Variants in ARHGEF7 observed in about 807,000 individuals in gnomAD.
The protein encoded by ARHGEF7 is Rho guanine nucleotide exchange factor 7, also known as PAK-interacting exchange factor beta.
In ARHGEF7, 33 loss-of-function variants were observed where a neutral mutation model predicts 109.8. The observed-to-expected ratio is 0.30, with a 90% CI of 0.23 to 0.40. ARHGEF7 has a LOEUF of 0.40. Among genes scored for constraint, ARHGEF7 ranks in the 10% least tolerant of loss-of-function variants. The probability of loss-of-function intolerance (pLI) is 1.00; values close to 1 mark genes in which losing one functional copy is unlikely to be tolerated. For missense variants in ARHGEF7, 938 were observed against 1,098.5 expected (o/e 0.85, Z 2.07); for synonymous variants, 458 against 424.6 (o/e 1.08, Z -0.97).
At chr13:111,124,445 C>A (rs1198529201) in intron 1 of ARHGEF7, among the ~76,000 whole-genome samples, 6 of 152,260 alleles carry the variant, frequency 3.9e-5, no homozygotes, top group Admixed American at 3.9e-4. Flanking sequence ...CCTATCAGAG[C>A]AGTGTCCATC....
rs776753220 is a variant in ARHGEF7 at position 111,210,005 on chromosome 13, A to G, written c.468+3A>G. On this transcript the variant is annotated splice_donor_region_variant and intron_variant, in intron 4 of 21. Coordinates refer to ENST00000646102, the MANE Select transcript of ARHGEF7 (RefSeq NM_001354046.2). ...TCCAGGGCCAGTATCGGAGTTTGGT[A>G]AGTTTGAGAGATTTTGTTACTTAAA... 2.5e-6 allele frequency: 4 copies of G among 1,614,152 alleles called. No homozygotes were observed. In the Admixed American group the frequency reaches 5.0e-5, roughly 20 times the overall value.
intron 5 of ARHGEF7, among the ~76,000 whole-genome samples, chr13:111,222,259 G>T (rs2084543154): frequency 6.6e-6 from 1 of 151,860 alleles, no homozygotes; most frequent in Non-Finnish European, 1.5e-5. Context: ...TTTTTTTCCT[G>T]TTTATTTTTT....
intron 1 of ARHGEF7, among the ~76,000 whole-genome samples, chr13:111,123,492 C>A (rs1187008299): frequency 6.7e-6 from 1 of 150,034 alleles, no homozygotes; most frequent in Non-Finnish European, 1.5e-5. Flanking sequence ...CACACACACA[C>A]ACATACATGC....
chr13:111,249,596 G>A (rs1216234767), intron 8 of ARHGEF7, among the ~76,000 whole-genome samples: 1 of 152,116 alleles, frequency 6.6e-6, no homozygotes, highest in Non-Finnish European at 1.5e-5. Flanking sequence ...TCTCTTTCAC[G>A]GGAAGGGTGA....
intron 1 of ARHGEF7, among the ~76,000 whole-genome samples, chr13:111,126,401 A>G (rs1317508765): frequency 6.6e-6 from 1 of 152,010 alleles, no homozygotes; most frequent in African/African-American, 2.4e-5. Context: ...GAGACGGGAG[A>G]ATCACCTGAA....
intron 2 of ARHGEF7, among the ~76,000 whole-genome samples, chr13:111,195,088 T>C (rs140993159): frequency 0.022 from 3,375 of 152,294 alleles, 114 homozygotes; most frequent in African/African-American, 0.074. Context: ...AGCTTTCAAA[T>C]GTTTAACAAT....
chr13:111,302,013 TTTC>T lies in ARHGEF7; in HGVS notation c.2466+484_2466+486del, dbSNP rs561239190. 1.2e-4 allele frequency among the ~76,000 whole-genome samples: 18 copies of T among 152,380 alleles called. No homozygotes were observed. In the East Asian group the frequency reaches 2.9e-3, roughly 24 times the overall value. The stretch of plus-strand genomic sequence containing the variant: ...AGTGACTTGTTTAAACTCTTTTTTT[TTTC>T]TTAACAATACTGATTTTGATGTCAT... On this transcript the variant is annotated intron_variant, in intron 21 of 21. Coordinates refer to ENST00000646102, the MANE Select transcript of ARHGEF7 (RefSeq NM_001354046.2).
intron 2 of ARHGEF7, among the ~76,000 whole-genome samples, chr13:111,165,701 G>A (rs942639243): frequency 6.6e-6 from 1 of 152,158 alleles, no homozygotes; most frequent in African/African-American, 2.4e-5. Flanking sequence ...CCTGCACAGC[G>A]GTACAGCTGA....
At chr13:111,128,133 C>T (rs931788965) in intron 1 of ARHGEF7, among the ~76,000 whole-genome samples, 4 of 152,150 alleles carry the variant, frequency 2.6e-5, no homozygotes, top group African/African-American at 9.7e-5. Flanking sequence ...AAAAGCTTTC[C>T]CCCTAAGATC....
At chr13:111,122,521 T>C (rs831157) in intron 1 of ARHGEF7, 137,317 of 152,300 alleles carry the variant, frequency 0.9, 62,433 homozygotes, top group East Asian at 0.99. Flanking sequence ...AGTTCTCAAC[T>C]CTGTTTTTGC....
chr13:111,137,210 A>G (rs1294689013), intron 1 of ARHGEF7, among the ~76,000 whole-genome samples: 1 of 152,238 alleles, frequency 6.6e-6, no homozygotes, highest in East Asian at 1.9e-4. Flanking sequence ...ATTCCAATCA[A>G]TGGAAAAGAG....
At chr13:111,285,921 T>TAA (rs544234337) in intron 16 of ARHGEF7, among the ~76,000 whole-genome samples, 1 of 145,530 alleles carries the variant, frequency 6.9e-6, no homozygotes, top group Non-Finnish European at 1.5e-5. Flanking sequence ...TTATTAGAAT[T>TAA]AAAAAAAAAA....
chr13:111,213,415 G>T (rs190952833), intron 4 of ARHGEF7, among the ~76,000 whole-genome samples: 1 of 152,288 alleles, frequency 6.6e-6, no homozygotes, highest in Non-Finnish European at 1.5e-5. Flanking sequence ...GTGATGTATT[G>T]CATGATGAAG....
intron 2 of ARHGEF7, among the ~76,000 whole-genome samples, chr13:111,202,583 G>A (rs2081327236): frequency 6.6e-6 from 1 of 152,140 alleles, no homozygotes; most frequent in Non-Finnish European, 1.5e-5. Context: ...GTCATGGTGG[G>A]GAATGAATGA....
intron 1 of ARHGEF7, among the ~76,000 whole-genome samples, chr13:111,124,117 T>C (rs545807138): frequency 6.6e-6 from 1 of 152,234 alleles, no homozygotes; most frequent in Non-Finnish European, 1.5e-5. Context: ...TCCCTTCCTG[T>C]TTCTGGGAAG....
chr13:111,216,165 T>G (rs1431743072), intron 4 of ARHGEF7, among the ~76,000 whole-genome samples: 2 of 152,226 alleles, frequency 1.3e-5, no homozygotes, highest in Non-Finnish European at 2.9e-5. Flanking sequence ...CTGAGCCATA[T>G]TTTCTTACCC....
Position 111,133,789 on chromosome 13 carries a change from A to G in ARHGEF7, c.165+18098A>G, listed in dbSNP as rs1333405378. 9.6e-5 allele frequency among the ~76,000 whole-genome samples: 10 copies of G among 103,684 alleles called. 1 individual carries two copies. Among genetic ancestry groups the G allele is most frequent in the African/African-American group, 3.6e-4 (9 of 25,118 alleles). The allele number at this position is 103,684 out of a possible 152,430, so 68.0% of individuals were successfully genotyped here. A position where few individuals can be genotyped will look rare whatever the true frequency, so the allele number is the denominator to read the frequency against. Reference sequence around the variant, plus strand: ...TATATATATATATATATATATATATATATATATATATATATATATATATAT... The same window carrying G: ...TATATATATATATATATATATATATGTATATATATATATATATATATATAT... On this transcript the variant is annotated intron_variant, in intron 1 of 21. Transcript: ENST00000646102.
chr13:111,208,372 T>A (rs1029943374), intron 3 of ARHGEF7, among the ~76,000 whole-genome samples: 3 of 152,222 alleles, frequency 2.0e-5, no homozygotes, highest in African/African-American at 7.2e-5. Context: ...TTTCCTTGAT[T>A]GGCAAACAGT....
rs150304173 is a variant in ARHGEF7, at chr13:111,154,556, A to G, written c.252+565A>G. Among the ~76,000 whole-genome samples the G allele has an allele frequency of 9.9e-3, 1,511 of 152,324 alleles. 15 individuals are homozygous for G. Among genetic ancestry groups the G allele is most frequent in the Middle Eastern group, 0.02 (6 of 294 alleles). Reference sequence around the variant, plus strand: ...TCCGTACCCTCAACACTTAATGTCCAGAGAATTCACATTAACCAGTATGTG... The same window carrying G: ...TCCGTACCCTCAACACTTAATGTCCGGAGAATTCACATTAACCAGTATGTG... On this transcript the variant is annotated intron_variant, in intron 2 of 21. Coordinates refer to ENST00000646102, the MANE Select transcript of ARHGEF7 (RefSeq NM_001354046.2).
Sources: allele counts gnomAD v4.1 joint callset (sites outside exome capture counted in the v4.1 genomes callset), GRCh38; gene constraint gnomAD v4.1.1; transcripts MANE v1.5; gene names NCBI Gene and HGNC (gene_info 2026-07-23, HGNC 2026-07-21).